The following TMEM131 variants were observed in gnomAD, a reference collection of about 807,000 sequenced individuals.
The protein encoded by TMEM131 is transmembrane protein 131.
TMEM131 carries 66 observed loss-of-function variants against 211.6 expected under a neutral mutation model. The observed-to-expected ratio is 0.31, with a 90% confidence interval of 0.26 to 0.38. TMEM131 has a LOEUF of 0.38. TMEM131 is among the 10% of genes least tolerant of loss of function. TMEM131 has a pLI of 1.00. For synonymous variants in TMEM131, 844 were observed against 841.3 expected (o/e 1.00, Z -0.06); for missense variants, 2,036 against 2,299.3 (o/e 0.89, Z 2.34).
rs2104781428 is a variant in TMEM131 at position 97,766,621 on chromosome 2, TG to T, written c.4449-20del. On this transcript the variant is annotated intron_variant, in intron 33 of 40. Transcript: ENST00000186436. ...TAATGAACTGAAAGACAATCAGGGA[TG>T]GAAAATACAAATTTATTCCTCTGTT... 1 of 1,612,318 alleles carries T rather than the reference TG, an allele frequency of 6.2e-7. No individual in the cohort carries two copies. Among genetic ancestry groups the T allele is most frequent in the Non-Finnish European group, 8.5e-7 (1 of 1,178,942 alleles).
intron 5 of TMEM131, among the ~76,000 whole-genome samples, chr2:97,851,971 AAG>A (rs1573459724): frequency 2.0e-5 from 3 of 152,224 alleles, no homozygotes; most frequent in African/African-American, 7.2e-5. Context: ...GCTCAAAGCC[AAG>A]AGAGGCTCAA....
At chr2:97,830,161 A>C (rs1682604135) in intron 11 of TMEM131, among the ~76,000 whole-genome samples, 1 of 150,410 alleles carries the variant, frequency 6.6e-6, no homozygotes, top group Non-Finnish European at 1.5e-5. Flanking sequence ...AAAAAACCAA[A>C]CCCAAATTGT....
intron 5 of TMEM131, among the ~76,000 whole-genome samples, chr2:97,847,071 G>C (rs1025097190): frequency 4.9e-5 from 1 of 20,518 alleles, no homozygotes; most frequent in Non-Finnish European, 1.1e-4. Flanking sequence ...CCCAGCTACT[G>C]GGGGGGGGGG....
At chr2:97,925,105 C>G (rs1009782984) in intron 2 of TMEM131, among the ~76,000 whole-genome samples, 2 of 152,158 alleles carry the variant, frequency 1.3e-5, no homozygotes, top group African/African-American at 4.8e-5. Context: ...CTCCTGGACT[C>G]AAGCGACTGA....
chr2:97,960,113 G>C (rs74499290), intron 1 of TMEM131, among the ~76,000 whole-genome samples: 1 of 151,826 alleles, frequency 6.6e-6, no homozygotes, highest in East Asian at 1.9e-4. Flanking sequence ...GTATCCACCA[G>C]ATCTTTGCAT....
At chr2:97,991,897 T>C (rs968064178) in intron 1 of TMEM131, among the ~76,000 whole-genome samples, 2 of 152,158 alleles carry the variant, frequency 1.3e-5, no homozygotes, top group Non-Finnish European at 2.9e-5. Flanking sequence ...AGCAATCTTG[T>C]TGGCAGATGT....
intron 31 of TMEM131, among the ~76,000 whole-genome samples, chr2:97,791,333 C>G (rs1232333362): frequency 2.0e-5 from 3 of 152,206 alleles, no homozygotes; most frequent in African/African-American, 7.2e-5. Flanking sequence ...GAGCAGAATA[C>G]TACAACATTG....
chr2:97,814,168 A>G, intron 14 of TMEM131, 27 bp from the exon 15 acceptor site: 1 of 1,612,460 alleles, frequency 6.2e-7, no homozygotes, highest in East Asian at 2.2e-5. Flanking sequence ...GAGAAAAAAA[A>G]CAAAGTGTCA....
At chr2:97,919,316 T>C (rs1292270522) in intron 2 of TMEM131, among the ~76,000 whole-genome samples, 1 of 152,242 alleles carries the variant, frequency 6.6e-6, no homozygotes, top group Non-Finnish European at 1.5e-5. Flanking sequence ...CTGTATTATT[T>C]CCTTTGGCAC....
chr2:97,790,528 T>C (rs1680454492), intron 31 of TMEM131, among the ~76,000 whole-genome samples: 1 of 152,224 alleles, frequency 6.6e-6, no homozygotes, highest in African/African-American at 2.4e-5. Context: ...CATTTCATTT[T>C]AAAATTTAGG....
intron 4 of TMEM131, among the ~76,000 whole-genome samples, chr2:97,861,592 T>C (rs1257111686): frequency 6.6e-6 from 1 of 151,770 alleles, no homozygotes; most frequent in African/African-American, 2.4e-5. Flanking sequence ...GTATTCTCCG[T>C]GGGCTTGTGG....
At chr2:97,811,646 A>G (rs769615965) in intron 17 of TMEM131, among the ~76,000 whole-genome samples, 1 of 152,214 alleles carries the variant, frequency 6.6e-6, no homozygotes, top group African/African-American at 2.4e-5. Context: ...GTTAATATTC[A>G]TATCTTCAGG....
chr2:97,854,661 C>A (rs892516497), intron 5 of TMEM131, among the ~76,000 whole-genome samples: 1 of 152,168 alleles, frequency 6.6e-6, no homozygotes, highest in East Asian at 1.9e-4. Flanking sequence ...CAAGTCAAAC[C>A]ATAGTTTGTA....
chr2:97,914,328 AT>A (rs1199659670), intron 2 of TMEM131, among the ~76,000 whole-genome samples: 1 of 152,214 alleles, frequency 6.6e-6, no homozygotes, highest in Non-Finnish European at 1.5e-5. Context: ...ATGGCATAAC[AT>A]CACAAGCAGC....
intron 31 of TMEM131, among the ~76,000 whole-genome samples, chr2:97,783,893 T>C (rs1289373917): frequency 6.6e-6 from 1 of 151,604 alleles, no homozygotes; most frequent in East Asian, 1.9e-4. Context: ...ATAGGCAGGT[T>C]GAAGTAAAAG....
chr2:97,829,765 C>T (rs1559386136), intron 11 of TMEM131, among the ~76,000 whole-genome samples: 1 of 152,146 alleles, frequency 6.6e-6, no homozygotes, highest in African/African-American at 2.4e-5. Flanking sequence ...ACCAAGAACC[C>T]ACCAGAAGGA....
intron 2 of TMEM131, among the ~76,000 whole-genome samples, chr2:97,924,385 T>C (rs1676888988): frequency 6.6e-6 from 1 of 152,122 alleles, no homozygotes; most frequent in Non-Finnish European, 1.5e-5. Context: ...CCTGTCTCTA[T>C]GAACTGTGTG....
At chr2:97,869,578 C>T (rs1014592317) in intron 4 of TMEM131, among the ~76,000 whole-genome samples, 2 of 152,200 alleles carry the variant, frequency 1.3e-5, no homozygotes, top group Non-Finnish European at 2.9e-5. Context: ...CTATTTTAGT[C>T]GTTGCGTGCT....
chr2:97,964,437 T>C (rs1386039293), intron 1 of TMEM131, among the ~76,000 whole-genome samples: 2 of 152,228 alleles, frequency 1.3e-5, no homozygotes, highest in Non-Finnish European at 2.9e-5. Flanking sequence ...GAAATACAGT[T>C]GGGAAAGAAG....
Sources: allele counts gnomAD v4.1 joint callset (sites outside exome capture counted in the v4.1 genomes callset), GRCh38; gene constraint gnomAD v4.1.1; transcripts MANE v1.5; gene names NCBI Gene and HGNC (gene_info 2026-07-23, HGNC 2026-07-21).